PAM: variants seen among roughly 807,000 people sequenced by gnomAD.
PAM encodes peptidyl-glycine alpha-amidating monooxygenase.
PAM carries 72 observed loss-of-function variants against 122.1 expected under a neutral mutation model. The ratio of observed to expected loss-of-function variants is 0.59; its 90% CI spans 0.49 to 0.72. The LOEUF is 0.72. Ranked by LOEUF, PAM falls within the 30% of genes least tolerant of loss-of-function variation. The pLI is 0.00. For synonymous variants in PAM, 389 were observed against 404.4 expected (o/e 0.96, Z 0.46); for missense variants, 1,106 against 1,183.7 (o/e 0.93, Z 0.96).
chr5:102,786,588 T>A (rs530548924), intron 1 of PAM, among the ~76,000 whole-genome samples: 2 of 152,122 alleles, frequency 1.3e-5, no homozygotes, highest in Admixed American at 6.5e-5. Context: ...TTTTGAACCA[T>A]TCATGGAGAA....
At chr5:102,764,138 G>A (rs539623340) in intron 1 of PAM, among the ~76,000 whole-genome samples, 31 of 152,060 alleles carry the variant, frequency 2.0e-4, no homozygotes, top group African/African-American at 6.7e-4. Flanking sequence ...AATATTTAGC[G>A]ACTCCCTACT....
intron 15 of PAM, among the ~76,000 whole-genome samples, chr5:102,984,477 CAACA>C (rs1169791863): frequency 6.6e-6 from 1 of 152,012 alleles, no homozygotes; most frequent in Admixed American, 6.6e-5. Context: ...ATGGTAAAAA[CAACA>C]AACAACAACG....
rs1348265207 is a variant in PAM at position 102,946,842 on chromosome 5, A to G, written c.532A>G (p.Asn178Asp). The change falls in exon 8 of 26, where the codon AAC (asparagine) becomes GAC (aspartate). Residue 178 changes from asparagine to aspartate, a missense_variant. Around this residue, in one of 3 missense-constraint regions of PAM, gnomAD observed 670 missense variants for 690.3 expected, o/e 0.97. Coordinates refer to ENST00000438793, the MANE Select transcript of PAM (RefSeq NM_001177306.2). ...YGDISAFRDN[N>D]KDCSGVSLHL... is the part of the protein sequence containing the mutation. ...GTTTCTATGTGTGTTTTCAGATAAT[A>G]ACAAGGACTGTTCTGGTGTGTCCTT... 6.3e-7 allele frequency: 1 copy of G among 1,591,338 alleles called. No homozygotes were observed. Among genetic ancestry groups the G allele is most frequent in the Non-Finnish European group, 8.6e-7 (1 of 1,160,372 alleles).
chr5:102,913,817 G>A, intron 4 of PAM, 117 bp from the exon 5 acceptor site: 1 of 628,712 alleles, frequency 1.6e-6, no homozygotes, highest in Non-Finnish European at 2.9e-6. Flanking sequence ...TTGATCACAA[G>A]AACATCAAAA....
chr5:102,877,652 A>C (rs1305748632), intron 3 of PAM, among the ~76,000 whole-genome samples: 1 of 152,186 alleles, frequency 6.6e-6, no homozygotes, highest in Non-Finnish European at 1.5e-5. Flanking sequence ...GAAACTAGTA[A>C]TTATTAAAGG....
At chr5:102,841,417 A>G (rs2150574541) in intron 1 of PAM, among the ~76,000 whole-genome samples, 1 of 146,640 alleles carries the variant, frequency 6.8e-6, no homozygotes, top group East Asian at 1.9e-4. Context: ...ACACACACAC[A>G]CACACACACA....
chr5:102,807,413 A>T (rs1255637540), intron 1 of PAM, among the ~76,000 whole-genome samples: 1 of 152,196 alleles, frequency 6.6e-6, no homozygotes, highest in African/African-American at 2.4e-5. Flanking sequence ...GATTTAAATT[A>T]TGTGTAGTTT....
intron 1 of PAM, among the ~76,000 whole-genome samples, chr5:102,862,234 T>A (rs568315905): frequency 2.0e-4 from 30 of 151,968 alleles, no homozygotes; most frequent in Non-Finnish European, 3.4e-4. Flanking sequence ...TTTTTTTTTT[T>A]TAAAGGGGTG....
At chr5:102,890,857 G>A (rs1794588450) in intron 3 of PAM, among the ~76,000 whole-genome samples, 1 of 151,806 alleles carries the variant, frequency 6.6e-6, no homozygotes, top group African/African-American at 2.4e-5. Context: ...TGGAAAATGG[G>A]CATTTGCAGT....
rs182446779 is a variant in PAM, at chr5:102,777,559, G to A, written c.-374+22211G>A. Reference sequence around the variant, plus strand: ...GGAAAAAAAAGACCTAATTGTCTGAGAGAGGGATTCTACTAGAGAATTTAA... The same window carrying A: ...GGAAAAAAAAGACCTAATTGTCTGAAAGAGGGATTCTACTAGAGAATTTAA... On this transcript the variant is annotated intron_variant, in intron 1 of 25. Coordinates refer to ENST00000438793, the MANE Select transcript of PAM (RefSeq NM_001177306.2). 7.2e-5 allele frequency among the ~76,000 whole-genome samples: 11 copies of A among 152,230 alleles called. No homozygotes were observed. The East Asian group carries it at 2.1e-3, about 29-fold the overall frequency.
intron 1 of PAM, among the ~76,000 whole-genome samples, chr5:102,834,299 A>G (rs963854794): frequency 4.6e-5 from 7 of 152,294 alleles, no homozygotes; most frequent in Middle Eastern, 3.4e-3. Context: ...ATAATATTAT[A>G]GTTTACAGGT....
intron 1 of PAM, among the ~76,000 whole-genome samples, chr5:102,809,149 G>T (rs1767096860): frequency 6.6e-6 from 1 of 151,958 alleles, no homozygotes; most frequent in African/African-American, 2.4e-5. Flanking sequence ...TGAGAGTTCT[G>T]CCCATAAAGT....
chr5:102,765,239 G>GC (rs757474474), intron 1 of PAM, among the ~76,000 whole-genome samples: 1 of 152,152 alleles, frequency 6.6e-6, no homozygotes, highest in Non-Finnish European at 1.5e-5. Context: ...TTTGGCACCA[G>GC]TAGTTGCCCT....
At chr5:102,898,329 A>G (rs761203694) in intron 3 of PAM, among the ~76,000 whole-genome samples, 4 of 151,586 alleles carry the variant, frequency 2.6e-5, no homozygotes, top group Admixed American at 2.6e-4. Context: ...CACCAAGCTC[A>G]GATACAGTGT....
chr5:102,983,442 T>C (rs1770591242), intron 15 of PAM, among the ~76,000 whole-genome samples: 1 of 29,470 alleles, frequency 3.4e-5, no homozygotes, highest in African/African-American at 1.9e-4. Flanking sequence ...AGAGTGAGAC[T>C]GTCCAAAAAA....
intron 24 of PAM, among the ~76,000 whole-genome samples, chr5:103,026,193 T>C (rs1206712810): frequency 6.6e-6 from 1 of 152,158 alleles, no homozygotes; most frequent in Non-Finnish European, 1.5e-5. Context: ...CCAATTCATG[T>C]TTCTTACCGC....
intron 15 of PAM, chr5:102,987,482 A>G (rs1356449172): frequency 4.5e-6 from 2 of 447,248 alleles, no homozygotes; most frequent in Non-Finnish European, 8.9e-6. Context: ...CAGGGTAAAT[A>G]TAGTTAACAA....
chr5:102,914,402 C>T (rs1232703335), intron 5 of PAM, among the ~76,000 whole-genome samples: 3 of 152,028 alleles, frequency 2.0e-5, no homozygotes, highest in East Asian at 3.9e-4. Flanking sequence ...ACACAATATA[C>T]CATGTAACAT....
At chr5:103,005,009 T>G in intron 17 of PAM, 145 bp from the exon 18 acceptor site, 1 of 586,948 alleles carries the variant, frequency 1.7e-6, no homozygotes, top group Non-Finnish European at 3.1e-6. Flanking sequence ...TATTAACTAT[T>G]CATTTTGTTC....
Sources: gnomAD v4.1 joint callset for allele counts (sites outside exome capture counted in the v4.1 genomes callset) on GRCh38, gnomAD v4.1.1 for gene constraint, gnomAD v4.1.1 regional missense constraint, MANE v1.5 for transcripts, NCBI Gene and HGNC (gene_info 2026-07-23, HGNC 2026-07-21) for gene names.